Variants in SLC67A2 observed in about 807,000 individuals in gnomAD.
SLC67A2 encodes the protein solute carrier family 67 member 2.
chr2:102,730,211 T>G, the SLC67A2 span, among the ~76,000 whole-genome samples: 1 of 152,278 alleles, frequency 6.6e-6, no homozygotes, highest in East Asian at 1.9e-4. Flanking sequence ...AATCTGTGTT[T>G]CTTTTTTTTG....
At chr2:102,729,647 A>C in the SLC67A2 span, among the ~76,000 whole-genome samples, 2 of 152,080 alleles carry the variant, frequency 1.3e-5, no homozygotes, top group Non-Finnish European at 2.9e-5. Context: ...ATGACAGATG[A>C]CTCTTAGAAA....
chr2:102,732,236 G>T, the SLC67A2 span: 1 of 1,123,186 alleles, frequency 8.9e-7, no homozygotes, highest in Non-Finnish European at 1.4e-6. Context: ...GATAATATTT[G>T]GATACAAAAT....
At chr2:102,732,241 C>T in the SLC67A2 span, 1 of 1,188,908 alleles carries the variant, frequency 8.4e-7, no homozygotes, top group Admixed American at 1.8e-5. Context: ...TATTTGGATA[C>T]AAAATTGAAT....
chr2:102,731,262 T>C, the SLC67A2 span, among the ~76,000 whole-genome samples: 4 of 151,900 alleles, frequency 2.6e-5, no homozygotes, highest in African/African-American at 9.7e-5. Flanking sequence ...ATGGAAGTAA[T>C]ACAATTTCTA....
chr2:102,726,638 A>G, the SLC67A2 span, among the ~76,000 whole-genome samples: 1 of 150,866 alleles, frequency 6.6e-6, no homozygotes, highest in Non-Finnish European at 1.5e-5. Context: ...ACACACACAC[A>G]CAGGCCAGCA....
the SLC67A2 span, chr2:102,726,920 G>A: frequency 6.2e-7 from 1 of 1,613,470 alleles, no homozygotes; most frequent in Non-Finnish European, 8.5e-7. Context: ...AGAGCACTGA[G>A]TAGAATGCAT....
At chr2:102,719,313 T>G in the SLC67A2 span, 1 of 1,176,640 alleles carries the variant, frequency 8.5e-7, no homozygotes, top group Non-Finnish European at 1.2e-6. Context: ...TAATCTATAT[T>G]TTGGTACTAA....
At chr2:102,718,669 C>T in the SLC67A2 span, 1 of 1,613,994 alleles carries the variant, frequency 6.2e-7, no homozygotes, top group Non-Finnish European at 8.5e-7. Context: ...TGATGCACGT[C>T]CTGCCAATGG....
the SLC67A2 span, chr2:102,718,676 A>G: frequency 1.9e-6 from 3 of 1,613,996 alleles, no homozygotes; most frequent in Non-Finnish European, 2.5e-6. Context: ...CGTCCTGCCA[A>G]TGGCAGTGGA....
chr2:102,720,117 T>A, the SLC67A2 span, among the ~76,000 whole-genome samples: 1 of 152,182 alleles, frequency 6.6e-6, no homozygotes, highest in African/African-American at 2.4e-5. Flanking sequence ...AACTCTATCC[T>A]ACTGTTTTTT....
At chr2:102,722,885 A>G in the SLC67A2 span, among the ~76,000 whole-genome samples, 1 of 152,230 alleles carries the variant, frequency 6.6e-6, no homozygotes, top group Non-Finnish European at 1.5e-5. Flanking sequence ...TACGATTTGC[A>G]AATCATACAT....
the SLC67A2 span, chr2:102,718,946 A>C: frequency 1.9e-6 from 3 of 1,614,244 alleles, no homozygotes; most frequent in Non-Finnish European, 2.5e-6. Context: ...GTAGTACAGC[A>C]TGACTGCCAT....
the SLC67A2 span, among the ~76,000 whole-genome samples, chr2:102,727,203 CA>C: frequency 6.6e-6 from 1 of 150,586 alleles, no homozygotes; most frequent in Admixed American, 6.6e-5. Context: ...AACAAACAAA[CA>C]AAAAAGTCTG....
At chr2:102,716,491 A>T in the SLC67A2 span, 1 of 152,226 alleles carries the variant, frequency 6.6e-6, no homozygotes, top group Non-Finnish European at 1.5e-5. Flanking sequence ...GAAAGCACTT[A>T]ACATTTACAT....
chr2:102,728,819 C>T, the SLC67A2 span, among the ~76,000 whole-genome samples: 2 of 152,076 alleles, frequency 1.3e-5, no homozygotes, highest in African/African-American at 4.8e-5. Flanking sequence ...ATAATATCTG[C>T]CTCAGAGATT....
chr2:102,733,105 G>A, the SLC67A2 span, among the ~76,000 whole-genome samples: 1 of 152,196 alleles, frequency 6.6e-6, no homozygotes, highest in South Asian at 2.1e-4. Flanking sequence ...ATAAAACAAT[G>A]TAAGCTCAAA....
the SLC67A2 span, among the ~76,000 whole-genome samples, chr2:102,725,896 A>G: frequency 1.3e-5 from 2 of 152,150 alleles, no homozygotes; most frequent in African/African-American, 2.4e-5. Flanking sequence ...ATGGTGCCCA[A>G]TGCCCCTGAC....
At chr2:102,730,838 C>T in the SLC67A2 span, among the ~76,000 whole-genome samples, 97 of 152,320 alleles carry the variant, frequency 6.4e-4, no homozygotes, top group East Asian at 0.016. Flanking sequence ...CGTGAGCCAC[C>T]GCGCCCAGCC....
the SLC67A2 span, chr2:102,730,969 T>C: frequency 9.2e-5 from 138 of 1,506,292 alleles, no homozygotes; most frequent in East Asian, 2.5e-3. Flanking sequence ...TTGATAAACT[T>C]CAAGTCCCCA....
Sources: allele counts gnomAD v4.1 joint callset (sites outside exome capture counted in the v4.1 genomes callset), GRCh38; gene constraint gnomAD v4.1.1; transcripts MANE v1.5; gene names NCBI Gene and HGNC (gene_info 2026-07-23, HGNC 2026-07-21).